Variants in PAN3 observed in about 807,000 individuals in gnomAD.
PAN3 encodes the protein poly(A) specific ribonuclease subunit PAN3, also known as PAN2-PAN3 deadenylation complex subunit PAN3.
Under a neutral mutation model 96.2 loss-of-function variants are expected in PAN3, and 19 were observed. That is an observed-to-expected ratio of 0.20 (90% CI 0.14 to 0.29). The LOEUF is 0.29. Among genes scored for constraint, PAN3 ranks in the 10% least tolerant of loss-of-function variants. PAN3 has a pLI of 1.00. For missense variants in PAN3, 882 were observed against 1,108.1 expected (o/e 0.80, Z 2.90); for synonymous variants, 433 against 406.6 (o/e 1.06, Z -0.78).
intron 1 of PAN3, among the ~76,000 whole-genome samples, chr13:28,159,924 G>T (rs73446915): frequency 0.04 from 5,767 of 145,916 alleles, 335 homozygotes; most frequent in African/African-American, 0.13. Context: ...GAAATAAAAG[G>T]TTTTTTTTTT....
At chr13:28,215,643 A>G (rs1880657360) in intron 5 of PAN3, 1 of 1,325,280 alleles carries the variant, frequency 7.5e-7, no homozygotes, top group Admixed American at 2.0e-5. Context: ...GAAGGTAAAG[A>G]TTTATTGCCA....
intron 1 of PAN3, among the ~76,000 whole-genome samples, chr13:28,145,265 A>G (rs9582000): frequency 0.18 from 26,641 of 151,746 alleles, 4,567 homozygotes; most frequent in African/African-American, 0.45. Flanking sequence ...GTGTGTGTGT[A>G]TGTGTGTACA....
At chr13:28,160,935 G>A (rs1360815195) in intron 1 of PAN3, among the ~76,000 whole-genome samples, 3 of 152,124 alleles carry the variant, frequency 2.0e-5, no homozygotes, top group Admixed American at 1.3e-4. Flanking sequence ...AAGATGTCAT[G>A]GTGTTCAATG....
chr13:28,284,701 T>C (rs1340270996), intron 17 of PAN3, among the ~76,000 whole-genome samples: 1 of 152,176 alleles, frequency 6.6e-6, no homozygotes, highest in East Asian at 1.9e-4. Context: ...TCCCCACTGG[T>C]TTTTGAAGCC....
intron 1 of PAN3, among the ~76,000 whole-genome samples, chr13:28,154,661 AT>A (rs111966197): frequency 1.3e-5 from 2 of 151,380 alleles, no homozygotes; most frequent in East Asian, 3.9e-4. Flanking sequence ...CGCCCAGCTA[AT>A]TTTTTGTATT....
At chr13:28,186,892 T>G (rs1876546339) in intron 4 of PAN3, among the ~76,000 whole-genome samples, 1 of 152,134 alleles carries the variant, frequency 6.6e-6, no homozygotes, top group Non-Finnish European at 1.5e-5. Context: ...AATTGATAGA[T>G]TATCATGGAA....
intron 2 of PAN3, 66 bp from the exon 3 acceptor site, chr13:28,176,427 A>T: frequency 7.1e-7 from 1 of 1,413,234 alleles, no homozygotes; most frequent in Non-Finnish European, 1.0e-6. Context: ...AGCCAGTCTT[A>T]ATTGGTTGGA....
rs138028125 is a variant in PAN3, at chr13:28,138,552, C to T, written c.-106C>T. On this transcript the variant is annotated 5_prime_UTR_variant, in exon 1 of 19. Coordinates refer to ENST00000380958, the MANE Select transcript of PAN3 (RefSeq NM_175854.8). Reference sequence around the variant, plus strand: ...CCGCAGCGGGACAGACCCACCCGCCCAGGCTTTTATCCGGCACCGGCAGCG... The same window carrying T: ...CCGCAGCGGGACAGACCCACCCGCCTAGGCTTTTATCCGGCACCGGCAGCG... The T allele has an allele frequency of 2.4e-6, 1 of 421,766 alleles. No homozygotes were observed. Among genetic ancestry groups the T allele is most frequent in the Non-Finnish European group, 4.2e-6 (1 of 239,364 alleles). 26.1% of individuals were successfully genotyped at this position (421,766 alleles called of 1,614,324 possible).
intron 5 of PAN3, among the ~76,000 whole-genome samples, chr13:28,216,262 A>T (rs554398150): frequency 6.6e-6 from 1 of 151,762 alleles, no homozygotes; most frequent in African/African-American, 2.4e-5. Context: ...TGAAATTTTT[A>T]AAAATGCAGA....
At chr13:28,151,989 C>T (rs1871421900) in intron 1 of PAN3, among the ~76,000 whole-genome samples, 10 of 152,086 alleles carry the variant, frequency 6.6e-5, no homozygotes. Context: ...TGTATGAGTT[C>T]ACCAAGGAAT....
At chr13:28,172,139 C>T (rs781723277) in intron 1 of PAN3, among the ~76,000 whole-genome samples, 13 of 152,154 alleles carry the variant, frequency 8.5e-5, no homozygotes, top group South Asian at 2.1e-4. Context: ...GTATTTCTTT[C>T]GCAGTGTCAC....
intron 14 of PAN3, among the ~76,000 whole-genome samples, chr13:28,276,802 T>A (rs1593621779): frequency 6.6e-6 from 1 of 152,222 alleles, no homozygotes; most frequent in East Asian, 1.9e-4. Context: ...GAGCAAAGTA[T>A]GTATGTTAAG....
At chr13:28,213,995 T>C (rs879832533) in intron 5 of PAN3, among the ~76,000 whole-genome samples, 1 of 152,016 alleles carries the variant, frequency 6.6e-6, no homozygotes, top group African/African-American at 2.4e-5. Flanking sequence ...AGTAAAATAG[T>C]ACAGCTAGGC....
chr13:28,161,013 T>G (rs1302854384), intron 1 of PAN3, among the ~76,000 whole-genome samples: 1 of 152,242 alleles, frequency 6.6e-6, no homozygotes, highest in Non-Finnish European at 1.5e-5. Context: ...TGGTTTTTGC[T>G]CAAACAAATT....
chr13:28,233,519 G>C (rs1036699397), intron 6 of PAN3, among the ~76,000 whole-genome samples: 1 of 151,972 alleles, frequency 6.6e-6, no homozygotes. Flanking sequence ...TGCCCACCTC[G>C]GCCTCCCAAA....
intron 1 of PAN3, among the ~76,000 whole-genome samples, chr13:28,151,253 T>C (rs963044197): frequency 8.5e-5 from 13 of 152,148 alleles, no homozygotes; most frequent in African/African-American, 2.9e-4. Flanking sequence ...TTGTGGCTCA[T>C]GCCTGTAATC....
chr13:28,265,682 C>T (rs1886099106), intron 9 of PAN3, among the ~76,000 whole-genome samples: 1 of 151,472 alleles, frequency 6.6e-6, no homozygotes, highest in South Asian at 2.1e-4. Context: ...TGTTTCTTAC[C>T]AGAGGTCAAA....
chr13:28,220,394 A>G lies in PAN3; in HGVS notation c.1000+16A>G. 6.2e-7 allele frequency: 1 copy of G among 1,611,940 alleles called. No homozygotes were observed. The highest frequency in any genetic ancestry group is 8.5e-7 in the Non-Finnish European group (1 of 1,178,686). On this transcript the variant is annotated intron_variant, in intron 6 of 18. Transcript: ENST00000380958. ...TTAGCGCCAGGTAAGTTGAGTAACTATTTCCAGTGAGTTCCAGATACCATG... is the reference window on the plus strand; with the variant it reads ...TTAGCGCCAGGTAAGTTGAGTAACTGTTTCCAGTGAGTTCCAGATACCATG...
intron 7 of PAN3, among the ~76,000 whole-genome samples, chr13:28,258,915 G>C (rs1212497971): frequency 6.6e-6 from 1 of 152,092 alleles, no homozygotes; most frequent in Non-Finnish European, 1.5e-5. Flanking sequence ...GTGAATAGTT[G>C]TTATAATGTA....
Sources: gnomAD v4.1 joint callset for allele counts (sites outside exome capture counted in the v4.1 genomes callset) on GRCh38, gnomAD v4.1.1 for gene constraint, MANE v1.5 for transcripts, NCBI Gene and HGNC (gene_info 2026-07-23, HGNC 2026-07-21) for gene names.